Variants in EPHA6 observed in about 807,000 individuals in gnomAD.
The protein encoded by EPHA6 is EPH receptor A6, also known as ephrin type-A receptor 6.
A neutral mutation model predicts 112.0 loss-of-function variants in EPHA6; 50 were observed. That is an observed-to-expected ratio of 0.45 (90% confidence interval 0.36 to 0.56). The LOEUF is 0.56. Ranked by LOEUF, EPHA6 falls within the 20% of genes least tolerant of loss-of-function variation. The pLI, the probability that EPHA6 is intolerant of heterozygous loss-of-function variation, is 0.00. For missense variants in EPHA6, 1,280 were observed against 1,417.4 expected (o/e 0.90, Z 1.56); for synonymous variants, 529 against 490.7 (o/e 1.08, Z -1.03).
intron 2 of EPHA6, among the ~76,000 whole-genome samples, chr3:96,938,383 G>T (rs913729389): frequency 1.0e-4 from 15 of 150,306 alleles, no homozygotes; most frequent in African/African-American, 3.6e-4. Context: ...GTGAATGGGA[G>T]TTCACTCATG....
intron 3 of EPHA6, among the ~76,000 whole-genome samples, chr3:97,013,463 A>T (rs528870776): frequency 6.6e-6 from 1 of 152,104 alleles, no homozygotes; most frequent in Non-Finnish European, 1.5e-5. Flanking sequence ...ATGTTTATTA[A>T]GGTGTGATGG....
At chr3:97,120,833 G>A (rs1227462528) in intron 3 of EPHA6, among the ~76,000 whole-genome samples, 1 of 151,334 alleles carries the variant, frequency 6.6e-6, no homozygotes, top group Non-Finnish European at 1.5e-5. Flanking sequence ...TATATTAAAA[G>A]GTATAAACAT....
chr3:97,661,305 G>T (rs2094168441), intron 14 of EPHA6, among the ~76,000 whole-genome samples: 1 of 151,944 alleles, frequency 6.6e-6, no homozygotes, highest in Non-Finnish European at 1.5e-5. Context: ...ACTTGGAGTT[G>T]TCTCAAGTCC....
intron 5 of EPHA6, among the ~76,000 whole-genome samples, chr3:97,344,431 G>T (rs1185104455): frequency 6.6e-6 from 1 of 152,126 alleles, no homozygotes; most frequent in African/African-American, 2.4e-5. Context: ...CTCCTAATGG[G>T]ATTAGTGCCC....
chr3:96,819,521 A>G (rs554018377), intron 1 of EPHA6, among the ~76,000 whole-genome samples: 49 of 152,118 alleles, frequency 3.2e-4, no homozygotes, highest in Non-Finnish European at 6.6e-4. Flanking sequence ...AATAGATCCC[A>G]CTTCACACTG....
At chr3:97,533,275 T>C (rs1377799913) in intron 11 of EPHA6, among the ~76,000 whole-genome samples, 1 of 152,038 alleles carries the variant, frequency 6.6e-6, no homozygotes, top group African/African-American at 2.4e-5. Context: ...ATAACTTCAA[T>C]CCTTGAAAGA....
intron 14 of EPHA6, among the ~76,000 whole-genome samples, chr3:97,647,049 G>A (rs551911376): frequency 4.6e-5 from 7 of 152,236 alleles, no homozygotes; most frequent in South Asian, 2.1e-4. Flanking sequence ...CAGTTCCTTC[G>A]TAACTCAAGC....
At chr3:97,069,375 T>A (rs567832137) in intron 3 of EPHA6, among the ~76,000 whole-genome samples, 1 of 152,236 alleles carries the variant, frequency 6.6e-6, no homozygotes, top group African/African-American at 2.4e-5. Context: ...AAGGGTTGGT[T>A]TTTCTGTCTC....
intron 3 of EPHA6, among the ~76,000 whole-genome samples, chr3:97,067,055 C>T (rs541594022): frequency 1.3e-5 from 2 of 152,108 alleles, no homozygotes; most frequent in South Asian, 4.1e-4. Flanking sequence ...AGATAGAAGA[C>T]TTTTTTCTTC....
At chr3:97,394,926 G>C (rs933252716) in intron 5 of EPHA6, among the ~76,000 whole-genome samples, 1 of 151,494 alleles carries the variant, frequency 6.6e-6, no homozygotes, top group African/African-American at 2.4e-5. Flanking sequence ...AAGGTCATCT[G>C]TGCTTACTTT....
chr3:96,909,289 T>C (rs893066491), intron 2 of EPHA6, among the ~76,000 whole-genome samples: 1 of 151,970 alleles, frequency 6.6e-6, no homozygotes, highest in African/African-American at 2.4e-5. Flanking sequence ...AATTGTGTTT[T>C]AATTTCTTAA....
At chr3:97,027,273 C>T (rs1349216639) in intron 3 of EPHA6, among the ~76,000 whole-genome samples, 1 of 152,108 alleles carries the variant, frequency 6.6e-6, no homozygotes, top group East Asian at 1.9e-4. Flanking sequence ...GAACAACACA[C>T]ACTGGGGCCT....
chr3:97,181,914 G>T (rs1187457673), intron 3 of EPHA6, among the ~76,000 whole-genome samples: 1 of 151,960 alleles, frequency 6.6e-6, no homozygotes, highest in Non-Finnish European at 1.5e-5. Flanking sequence ...GTGCTTTTTT[G>T]ACCTTGACCT....
intron 5 of EPHA6, among the ~76,000 whole-genome samples, chr3:97,252,794 T>A (rs1476529676): frequency 3.3e-5 from 5 of 152,176 alleles, no homozygotes. Context: ...TATTAAGAAT[T>A]TTGATGGCAT....
chr3:96,988,506 C>T (rs1428359531), intron 3 of EPHA6, among the ~76,000 whole-genome samples: 3 of 152,018 alleles, frequency 2.0e-5, no homozygotes, highest in Admixed American at 1.3e-4. Flanking sequence ...TTAAAGACAG[C>T]AATAATTATT....
At chr3:97,647,142 T>G (rs2094071011) in intron 14 of EPHA6, among the ~76,000 whole-genome samples, 1 of 152,120 alleles carries the variant, frequency 6.6e-6, no homozygotes, top group Non-Finnish European at 1.5e-5. Context: ...TGTACTGTTA[T>G]TCTTCAGAAC....
intron 5 of EPHA6, among the ~76,000 whole-genome samples, chr3:97,391,452 A>G (rs974142636): frequency 6.6e-6 from 1 of 152,016 alleles, no homozygotes; most frequent in South Asian, 2.1e-4. Flanking sequence ...TACATGTTAC[A>G]TAACTTTGGG....
At chr3:97,185,755 C>T (rs865907552) in intron 3 of EPHA6, among the ~76,000 whole-genome samples, 1 of 152,172 alleles carries the variant, frequency 6.6e-6, no homozygotes, top group Middle Eastern at 3.4e-3. Flanking sequence ...TATAAAGACA[C>T]ATGCACACGT....
At chr3:96,892,404 A>G (rs988312171) in intron 2 of EPHA6, among the ~76,000 whole-genome samples, 4 of 151,812 alleles carry the variant, frequency 2.6e-5, no homozygotes, top group African/African-American at 9.7e-5. Context: ...TGTACTTTTT[A>G]TAGAGATAGA....
Sources: allele counts gnomAD v4.1 joint callset (sites outside exome capture counted in the v4.1 genomes callset), GRCh38; gene constraint gnomAD v4.1.1; transcripts MANE v1.5; gene names NCBI Gene and HGNC (gene_info 2026-07-23, HGNC 2026-07-21).